Variants in BTBD9 observed in about 807,000 individuals in gnomAD.
BTBD9 encodes the protein BTB/POZ domain-containing protein 9.
Under a neutral mutation model 64.3 loss-of-function variants are expected in BTBD9, and 49 were observed. The ratio of observed to expected loss-of-function variants is 0.76; its 90% CI spans 0.61 to 0.97. The LOEUF is 0.97. Ranked by LOEUF, BTBD9 falls within the 50% of genes least tolerant of loss-of-function variation. The pLI is 0.00. For synonymous variants in BTBD9, 260 were observed against 274.7 expected (o/e 0.95, Z 0.53); for missense variants, 598 against 762.1 (o/e 0.78, Z 2.53).
At chr6:38,625,424 C>A (rs1292526891) in intron 1 of BTBD9, among the ~76,000 whole-genome samples, 1 of 152,150 alleles carries the variant, frequency 6.6e-6, no homozygotes, top group Non-Finnish European at 1.5e-5. Flanking sequence ...GGGCTAGTAA[C>A]AATTGATGGA....
At chr6:38,269,478 A>G (rs1369931642) in intron 8 of BTBD9, among the ~76,000 whole-genome samples, 1 of 152,204 alleles carries the variant, frequency 6.6e-6, no homozygotes, top group Non-Finnish European at 1.5e-5. Flanking sequence ...TGGGATCACA[A>G]GTTTTAATTC....
chr6:38,557,138 G>A (rs1363547121), intron 6 of BTBD9, among the ~76,000 whole-genome samples: 1 of 147,404 alleles, frequency 6.8e-6, no homozygotes, highest in African/African-American at 2.5e-5. Flanking sequence ...ATGAGATTGG[G>A]AGTTTGAGAA....
chr6:38,518,423 T>C (rs1462960831), intron 6 of BTBD9, among the ~76,000 whole-genome samples: 1 of 152,186 alleles, frequency 6.6e-6, no homozygotes, highest in Non-Finnish European at 1.5e-5. Flanking sequence ...TTCTCGCCAA[T>C]TGTGTATGGA....
rs537638332 is a variant in BTBD9, at chr6:38,175,033, G to C, written c.1791C>G (p.Pro597=). ...AGCGTGAGTTGGAGCCTGGGCTGGAGGGTAGTGAGCTGCCACTAGGCGCCC... is the reference window on the plus strand; with the variant it reads ...AGCGTGAGTTGGAGCCTGGGCTGGACGGTAGTGAGCTGCCACTAGGCGCCC... The part of the protein sequence containing the change: ...ALRAPSGSSL[P]SSPGSNSRSP... The change falls in exon 11 of 11, where the codon CCC becomes CCG. Residue 597 remains proline, a synonymous_variant. Coordinates refer to ENST00000481247, the MANE Select transcript of BTBD9 (RefSeq NM_001099272.2). The C allele has an allele frequency of 1.2e-6, 2 of 1,614,148 alleles. No homozygotes were observed. Among genetic ancestry groups the C allele is most frequent in the Admixed American group, 1.7e-5 (1 of 60,034 alleles).
At chr6:38,561,408 T>G (rs537841567) in intron 6 of BTBD9, among the ~76,000 whole-genome samples, 1 of 151,796 alleles carries the variant, frequency 6.6e-6, no homozygotes, top group Non-Finnish European at 1.5e-5. Context: ...TCAAAGAACT[T>G]AGAACTACCA....
chr6:38,568,456 G>C (rs1775618137), intron 6 of BTBD9, among the ~76,000 whole-genome samples: 1 of 152,098 alleles, frequency 6.6e-6, no homozygotes, highest in Admixed American at 6.5e-5. Flanking sequence ...TAATTTCTGG[G>C]TTCCATTCCC....
intron 6 of BTBD9, among the ~76,000 whole-genome samples, chr6:38,400,935 C>G (rs909999737): frequency 6.6e-6 from 1 of 152,208 alleles, no homozygotes; most frequent in Non-Finnish European, 1.5e-5. Context: ...CCACTTTAAA[C>G]CAGGCTAATT....
intron 6 of BTBD9, among the ~76,000 whole-genome samples, chr6:38,441,615 T>A (rs1769039039): frequency 6.6e-6 from 1 of 151,998 alleles, no homozygotes; most frequent in Non-Finnish European, 1.5e-5. Context: ...ACAGATCTCA[T>A]TTTGTTGCTC....
chr6:38,447,969 T>C (rs1388288094), intron 6 of BTBD9, among the ~76,000 whole-genome samples: 1 of 152,246 alleles, frequency 6.6e-6, no homozygotes, highest in Non-Finnish European at 1.5e-5. Flanking sequence ...AACGGATCTC[T>C]GGACCTATAT....
intron 6 of BTBD9, among the ~76,000 whole-genome samples, chr6:38,414,821 T>A (rs1767592620): frequency 6.6e-6 from 1 of 152,188 alleles, no homozygotes; most frequent in African/African-American, 2.4e-5. Context: ...GGGTGCTATT[T>A]AAGAGTTGTG....
chr6:38,193,594 T>C (rs943914048), intron 9 of BTBD9, among the ~76,000 whole-genome samples: 8 of 152,188 alleles, frequency 5.3e-5, no homozygotes, highest in Non-Finnish European at 1.0e-4. Flanking sequence ...CTGCTCTTGG[T>C]TGAACGCTCA....
intron 1 of BTBD9, among the ~76,000 whole-genome samples, chr6:38,631,494 C>G (rs1318290438): frequency 6.6e-6 from 1 of 152,204 alleles, no homozygotes; most frequent in African/African-American, 2.4e-5. Flanking sequence ...ATATTCAAAA[C>G]AGGACATAAA....
chr6:38,362,892 T>A (rs1028320616), intron 6 of BTBD9, among the ~76,000 whole-genome samples: 2 of 152,096 alleles, frequency 1.3e-5, no homozygotes, highest in Admixed American at 6.5e-5. Context: ...TCTAGAAGGA[T>A]AATATTATTG....
intron 4 of BTBD9, among the ~76,000 whole-genome samples, chr6:38,590,858 T>G (rs1776761484): frequency 6.6e-6 from 1 of 152,210 alleles, no homozygotes; most frequent in Non-Finnish European, 1.5e-5. Flanking sequence ...TAACAAATGG[T>G]AACTTTCTCC....
rs114392753 is a variant in BTBD9, at chr6:38,425,890, T to A, written c.1155-80797A>T. On this transcript the variant is annotated intron_variant, in intron 6 of 10. Transcript: ENST00000481247. ...CATAATTAAGCCACTGCACTCCAAC[T>A]TGGGTGACAAAGTGAGACCCTATCT... Among the ~76,000 whole-genome samples, 928 of 150,202 alleles carry A rather than the reference T, an allele frequency of 6.2e-3. 24 individuals are homozygous for A. The highest frequency in any genetic ancestry group is 0.021 in the African/African-American group (853 of 40,512).
intron 9 of BTBD9, among the ~76,000 whole-genome samples, chr6:38,208,532 C>T (rs377025547): frequency 1.8e-4 from 28 of 152,072 alleles, no homozygotes; most frequent in East Asian, 9.6e-4. Flanking sequence ...CCGCTAGGTC[C>T]CCAAAGGCAG....
chr6:38,624,830 T>C (rs1014166227), intron 1 of BTBD9, among the ~76,000 whole-genome samples: 4 of 152,202 alleles, frequency 2.6e-5, no homozygotes, highest in African/African-American at 7.2e-5. Flanking sequence ...TAATAAGAAC[T>C]GGTTTCAAGA....
intron 6 of BTBD9, among the ~76,000 whole-genome samples, chr6:38,489,047 C>T (rs1406040010): frequency 6.6e-6 from 1 of 151,952 alleles, no homozygotes; most frequent in Non-Finnish European, 1.5e-5. Flanking sequence ...AGGCATGCTT[C>T]ACTATGCTTG....
intron 8 of BTBD9, among the ~76,000 whole-genome samples, chr6:38,270,701 G>T (rs1265057332): frequency 6.6e-6 from 1 of 152,168 alleles, no homozygotes; most frequent in East Asian, 1.9e-4. Context: ...AAAGGAAGAG[G>T]TAGCATGAGC....
Sources: allele counts gnomAD v4.1 joint callset (sites outside exome capture counted in the v4.1 genomes callset), GRCh38; gene constraint gnomAD v4.1.1; transcripts MANE v1.5; gene names NCBI Gene and HGNC (gene_info 2026-07-23, HGNC 2026-07-21).